The following TMEM132D variants were observed in gnomAD, a reference collection of about 807,000 sequenced individuals.
TMEM132D encodes the protein mature OL transmembrane protein.
TMEM132D carries 21 observed loss-of-function variants against 62.3 expected under a neutral mutation model. That is an observed-to-expected ratio of 0.34 (90% CI 0.24 to 0.49). TMEM132D has a LOEUF of 0.49. TMEM132D is among the 20% of genes least tolerant of loss of function. The pLI is 0.99. For missense variants in TMEM132D, 1,346 were observed against 1,402.8 expected, an observed-to-expected ratio of 0.96 and a Z score of 0.65; for synonymous variants, 621 against 575.6, an observed-to-expected ratio of 1.08 and a Z score of -1.13.
chr12:129,497,238 G>T (rs1874986576), intron 3 of TMEM132D, among the ~76,000 whole-genome samples: 1 of 152,152 alleles, frequency 6.6e-6, no homozygotes, highest in Non-Finnish European at 1.5e-5. Flanking sequence ...AACCTGGGAG[G>T]CGGAGGTTGT....
intron 1 of TMEM132D, among the ~76,000 whole-genome samples, chr12:129,873,371 G>A (rs1028541849): frequency 6.6e-6 from 1 of 152,062 alleles, no homozygotes; most frequent in Non-Finnish European, 1.5e-5. Context: ...ACACCATTTC[G>A]CTGATTTGCT....
intron 2 of TMEM132D, among the ~76,000 whole-genome samples, chr12:129,660,130 A>G (rs1880198068): frequency 1.3e-5 from 2 of 152,204 alleles, no homozygotes; most frequent in South Asian, 4.1e-4. Flanking sequence ...GATTAAGGCC[A>G]GGAGATGGAT....
chr12:129,318,784 TTGCTGCTGC>T (rs573602458), intron 4 of TMEM132D, among the ~76,000 whole-genome samples: 2 of 151,942 alleles, frequency 1.3e-5, no homozygotes, highest in Non-Finnish European at 2.9e-5. Flanking sequence ...TGGGTGGGTC[TTGCTGCTGC>T]TGCTGCTGCT....
intron 3 of TMEM132D, among the ~76,000 whole-genome samples, chr12:129,522,125 C>T (rs73155239): frequency 0.24 from 36,748 of 152,080 alleles, 5,287 homozygotes; most frequent in Non-Finnish European, 0.32. Flanking sequence ...CAGTTAGTCA[C>T]CAGGGTTAAA....
At chr12:129,726,189 T>G (rs1423887751) in intron 1 of TMEM132D, among the ~76,000 whole-genome samples, 2 of 152,194 alleles carry the variant, frequency 1.3e-5, no homozygotes, top group African/African-American at 4.8e-5. Context: ...GGATCCCCCA[T>G]GCACCTTTTC....
At chr12:129,108,136 A>C (rs1393652412) in intron 5 of TMEM132D, among the ~76,000 whole-genome samples, 3 of 152,202 alleles carry the variant, frequency 2.0e-5, no homozygotes, top group Admixed American at 6.5e-5. Flanking sequence ...CCAGACACTT[A>C]CATGGTGTGG....
At chr12:129,381,525 T>G (rs1870950472) in intron 3 of TMEM132D, among the ~76,000 whole-genome samples, 1 of 152,196 alleles carries the variant, frequency 6.6e-6, no homozygotes, top group South Asian at 2.1e-4. Context: ...AGGTAAATTT[T>G]TATTGATTCC....
Position 129,084,135 on chromosome 12 carries a change from C to G in TMEM132D, c.1649+362G>C, listed in dbSNP as rs1206711351. On this transcript the variant is annotated intron_variant, in intron 6 of 8. Transcript: ENST00000422113. Reference sequence around the variant, plus strand: ...GCACCTCTTCCTCTAGCTCCTCTGGCTCTAGGTGGGGAGTCCAGCCAGCCA... The same window carrying G: ...GCACCTCTTCCTCTAGCTCCTCTGGGTCTAGGTGGGGAGTCCAGCCAGCCA... Among the ~76,000 whole-genome samples the G allele has an allele frequency of 5.3e-5, 8 of 152,108 alleles. No homozygotes were observed. The East Asian group carries it at 1.5e-3, about 29-fold the overall frequency.
At chr12:129,695,769 G>C (rs1357346626) in intron 2 of TMEM132D, among the ~76,000 whole-genome samples, 1 of 152,228 alleles carries the variant, frequency 6.6e-6, no homozygotes, top group Non-Finnish European at 1.5e-5. Flanking sequence ...CTTATGTGCG[G>C]ATAACGAGAG....
chr12:129,229,332 C>T (rs912108636), intron 4 of TMEM132D, among the ~76,000 whole-genome samples: 3 of 152,190 alleles, frequency 2.0e-5, no homozygotes, highest in Non-Finnish European at 4.4e-5. Context: ...TCGACAACTA[C>T]GGATGTTGAT....
At chr12:129,590,211 G>A (rs1021817043) in intron 2 of TMEM132D, among the ~76,000 whole-genome samples, 2 of 152,068 alleles carry the variant, frequency 1.3e-5, no homozygotes, top group Admixed American at 6.6e-5. Context: ...TTCTCCAGGT[G>A]CCGTCTCATT....
intron 1 of TMEM132D, among the ~76,000 whole-genome samples, chr12:129,900,318 C>T (rs1875309054): frequency 6.6e-6 from 1 of 152,120 alleles, no homozygotes. Flanking sequence ...ATTAAACATC[C>T]GTTTCAGCAT....
intron 4 of TMEM132D, among the ~76,000 whole-genome samples, chr12:129,251,350 A>G (rs1194369558): frequency 8.8e-6 from 1 of 113,094 alleles, no homozygotes; most frequent in Non-Finnish European, 1.8e-5. Flanking sequence ...AGAGTGAGAC[A>G]CTGTCTCAAA....
intron 4 of TMEM132D, among the ~76,000 whole-genome samples, chr12:129,219,619 G>A (rs1566001441): frequency 6.6e-6 from 1 of 152,272 alleles, no homozygotes; most frequent in East Asian, 1.9e-4. Flanking sequence ...TTGAAAAGGG[G>A]GCACACCTGG....
In TMEM132D at chr12:129,072,773, CA is replaced by C. The variant is rs1487525795; in HGVS notation, c.*1101del. The C allele has an allele frequency of 2.0e-5, 3 of 152,278 alleles. No homozygotes were observed. The highest frequency in any genetic ancestry group is 4.8e-5 in the African/African-American group (2 of 41,436). The allele number at this position is 152,278 out of a possible 1,614,324, so 9.4% of individuals were successfully genotyped here. On this transcript the variant is annotated 3_prime_UTR_variant, in exon 9 of 9. Coordinates refer to ENST00000422113, the MANE Select transcript of TMEM132D (RefSeq NM_133448.3). ...CTTTGGACAGGAGATCTGCCATGAA[CA>C]GTGAAAGACCCATCCCAAGTGGCCC...
At chr12:129,286,768 C>A (rs926586920) in intron 4 of TMEM132D, among the ~76,000 whole-genome samples, 2 of 152,138 alleles carry the variant, frequency 1.3e-5, no homozygotes, top group African/African-American at 4.8e-5. Flanking sequence ...AGACAGGGAG[C>A]CAAGCATGGT....
chr12:129,458,788 G>A (rs929600530), intron 3 of TMEM132D, among the ~76,000 whole-genome samples: 77 of 152,256 alleles, frequency 5.1e-4, no homozygotes, highest in African/African-American at 1.6e-3. Context: ...GAACACACAC[G>A]TAAATCAGCT....
At chr12:129,176,956 C>CA (rs1877923595) in intron 5 of TMEM132D, among the ~76,000 whole-genome samples, 1 of 152,226 alleles carries the variant, frequency 6.6e-6, no homozygotes, top group African/African-American at 2.4e-5. Context: ...GAAATGCAAA[C>CA]ACAGCCAGGA....
chr12:129,159,794 G>A (rs1189987106), intron 5 of TMEM132D, among the ~76,000 whole-genome samples: 1 of 149,934 alleles, frequency 6.7e-6, no homozygotes, highest in Non-Finnish European at 1.5e-5. Context: ...AAATTGATAA[G>A]ACAAGAGTAG....
Sources: allele counts gnomAD v4.1 joint callset (sites outside exome capture counted in the v4.1 genomes callset), GRCh38; gene constraint gnomAD v4.1.1; transcripts MANE v1.5; gene names NCBI Gene and HGNC (gene_info 2026-07-23, HGNC 2026-07-21).